The following ST6GAL1 variants were observed in gnomAD, a reference collection of about 807,000 sequenced individuals.
ST6GAL1 encodes ST6 beta-galactoside alpha-2,6-sialyltransferase 1.
A neutral mutation model predicts 38.0 loss-of-function variants in ST6GAL1; 20 were observed. The ratio of observed to expected loss-of-function variants is 0.53; its 90% confidence interval spans 0.37 to 0.77. The LOEUF (loss-of-function observed/expected upper bound fraction) is 0.77. ST6GAL1 is among the 30% of genes least tolerant of loss of function. The pLI is 0.00. For missense variants in ST6GAL1, 432 were observed against 496.4 expected (o/e 0.87, Z 1.23); for synonymous variants, 196 against 188.2 (o/e 1.04, Z -0.34).
At chr3:187,071,772 G>A (rs911668840) in intron 5 of ST6GAL1, among the ~76,000 whole-genome samples, 2 of 81,286 alleles carry the variant, frequency 2.5e-5, no homozygotes, top group African/African-American at 6.6e-5. Flanking sequence ...TTGAGACTCC[G>A]CCTCAAAAAA....
chr3:187,033,042 T>C (rs1717805890), intron 2 of ST6GAL1, among the ~76,000 whole-genome samples: 1 of 152,286 alleles, frequency 6.6e-6, no homozygotes, highest in South Asian at 2.1e-4. Context: ...ACCAAGTTGA[T>C]ACACAAGGTT....
At chr3:187,067,038 T>A (rs1719171638) in intron 5 of ST6GAL1, among the ~76,000 whole-genome samples, 1 of 151,106 alleles carries the variant, frequency 6.6e-6, no homozygotes, top group African/African-American at 2.4e-5. Context: ...TGCTTCCAAT[T>A]CCCCATCCAG....
At chr3:186,997,151 G>T (rs905759729) in intron 2 of ST6GAL1, among the ~76,000 whole-genome samples, 2 of 152,080 alleles carry the variant, frequency 1.3e-5, no homozygotes, top group African/African-American at 4.8e-5. Context: ...ATCAGAGGAG[G>T]CAGGCAGGAC....
intron 5 of ST6GAL1, among the ~76,000 whole-genome samples, chr3:187,059,346 GT>G (rs1718830301): frequency 6.6e-6 from 1 of 152,184 alleles, no homozygotes; most frequent in African/African-American, 2.4e-5. Flanking sequence ...CAGACAGAGG[GT>G]TAGGACCAGC....
chr3:186,983,972 C>G (rs1271385452), intron 2 of ST6GAL1, among the ~76,000 whole-genome samples: 1 of 152,184 alleles, frequency 6.6e-6, no homozygotes, highest in South Asian at 2.1e-4. Context: ...AGGCTTCCTA[C>G]TTTACGCTCT....
Position 187,048,880 on chromosome 3 carries a change from A to ATTTTTTT in ST6GAL1, c.608-2347_608-2341dup, listed in dbSNP as rs374148828. On this transcript the variant is annotated intron_variant, in intron 4 of 7. Transcript: ENST00000169298. Reference sequence around the variant, plus strand: ...TCTGGCTCTGTCCCTGAGAAATTGAATTTTTTTTTTTTTTTTTTTTTTTTT... The same window carrying ATTTTTTT: ...TCTGGCTCTGTCCCTGAGAAATTGAATTTTTTTTTTTTTTTTTTTTTTTTTTTTTTTT... Among the ~76,000 whole-genome samples the ATTTTTTT allele has an allele frequency of 3.7e-3, 430 of 115,332 alleles. 31 individuals are homozygous for ATTTTTTT. Among genetic ancestry groups the ATTTTTTT allele is most frequent in the African/African-American group, 0.015 (395 of 26,468 alleles). 75.7% of individuals were successfully genotyped at this position (115,332 alleles called of 152,430 possible).
At chr3:187,064,511 C>T in intron 5 of ST6GAL1, 1 of 456,490 alleles carries the variant, frequency 2.2e-6, no homozygotes, top group Non-Finnish European at 4.4e-6. Context: ...TTTCCCATTA[C>T]ACTTCTAGAT....
intron 2 of ST6GAL1, among the ~76,000 whole-genome samples, chr3:187,020,795 T>C (rs1334935173): frequency 6.6e-6 from 1 of 152,176 alleles, no homozygotes; most frequent in Admixed American, 6.6e-5. Context: ...TGAGTGGCCC[T>C]GAGGCAGTTG....
At chr3:186,962,341 T>G (rs369031909) in intron 1 of ST6GAL1, among the ~76,000 whole-genome samples, 1 of 152,228 alleles carries the variant, frequency 6.6e-6, no homozygotes, top group South Asian at 2.1e-4. Flanking sequence ...TTGTCATTCA[T>G]GTACCCCTCT....
chr3:187,014,118 A>G (rs940677386), intron 2 of ST6GAL1, among the ~76,000 whole-genome samples: 1 of 152,198 alleles, frequency 6.6e-6, no homozygotes, highest in African/African-American at 2.4e-5. Context: ...GCACTGCACA[A>G]TCCTTACTTC....
chr3:186,967,162 G>A (rs1002518132), intron 2 of ST6GAL1, among the ~76,000 whole-genome samples: 3 of 152,186 alleles, frequency 2.0e-5, no homozygotes, highest in African/African-American at 4.8e-5. Context: ...TGTGTCCAGG[G>A]TTTCCAGACT....
At chr3:187,047,185 T>A (rs1718328258) in intron 4 of ST6GAL1, among the ~76,000 whole-genome samples, 1 of 151,968 alleles carries the variant, frequency 6.6e-6, no homozygotes, top group African/African-American at 2.4e-5. Flanking sequence ...GATCTCATGA[T>A]CCGCCCACCT....
Position 187,072,835 on chromosome 3 carries a change from C to T in ST6GAL1, c.706-14C>T. ...TGAATGTTCAAGCGACAGCTTATCTCTTTCTTCCTGCAGTTGGTTACCACA... is the reference window on the plus strand; with the variant it reads ...TGAATGTTCAAGCGACAGCTTATCTTTTTCTTCCTGCAGTTGGTTACCACA... On this transcript the variant is annotated splice_polypyrimidine_tract_variant and intron_variant, in intron 5 of 7. Coordinates refer to ENST00000169298, the MANE Select transcript of ST6GAL1 (RefSeq NM_173216.2). The T allele has an allele frequency of 6.2e-7, 1 of 1,610,126 alleles. No homozygotes were observed. Among genetic ancestry groups the T allele is most frequent in the Non-Finnish European group, 8.5e-7 (1 of 1,176,516 alleles).
chr3:187,038,710 C>G (rs1219122477), intron 2 of ST6GAL1, 32 bp from the exon 3 acceptor site: 2 of 152,380 alleles, frequency 1.3e-5, no homozygotes, highest in East Asian at 3.9e-4. Context: ...CTCACCTCCT[C>G]TCTTTCTGTC....
chr3:187,070,172 A>G (rs1434055393), intron 5 of ST6GAL1, among the ~76,000 whole-genome samples: 1 of 152,158 alleles, frequency 6.6e-6, no homozygotes, highest in East Asian at 1.9e-4. Flanking sequence ...AGCCATATTT[A>G]TCTATAAGAG....
intron 2 of ST6GAL1, among the ~76,000 whole-genome samples, chr3:186,994,523 TTTTG>T (rs1185265823): frequency 2.6e-5 from 4 of 152,148 alleles, no homozygotes; most frequent in Non-Finnish European, 4.4e-5. Context: ...TGGGGGGACT[TTTTG>T]TTTGTTTAAC....
intron 1 of ST6GAL1, among the ~76,000 whole-genome samples, chr3:186,950,366 G>A (rs1351714828): frequency 6.6e-6 from 1 of 152,166 alleles, no homozygotes; most frequent in Non-Finnish European, 1.5e-5. Context: ...TCCAGCAGGT[G>A]GTTTTACATG....
rs942484530 is a variant in ST6GAL1 at position 186,962,306 on chromosome 3, G to A, written c.-324-1479G>A. On this transcript the variant is annotated intron_variant, in intron 1 of 7. Coordinates refer to ENST00000169298, the MANE Select transcript of ST6GAL1 (RefSeq NM_173216.2). ...ATCTATCACTCCCCTGTCCCTCCAC[G>A]GGTTTCTCTTTCTCTCCTTACGAAT... Among the ~76,000 whole-genome samples, 9 of 152,228 alleles carry A rather than the reference G, an allele frequency of 5.9e-5. 1 individual carries two copies. In the South Asian group the frequency reaches 8.3e-4, roughly 14 times the overall value.
At chr3:187,005,594 AT>A (rs1440577308) in intron 2 of ST6GAL1, among the ~76,000 whole-genome samples, 3 of 152,108 alleles carry the variant, frequency 2.0e-5, no homozygotes, top group Non-Finnish European at 4.4e-5. Flanking sequence ...CATCTTTCTA[AT>A]GATCTATTTG....
Sources: gnomAD v4.1 joint callset for allele counts (sites outside exome capture counted in the v4.1 genomes callset) on GRCh38, gnomAD v4.1.1 for gene constraint, MANE v1.5 for transcripts, NCBI Gene and HGNC (gene_info 2026-07-23, HGNC 2026-07-21) for gene names.